The following ATAD3B variants were observed in gnomAD, a reference collection of about 807,000 sequenced individuals.
ATAD3B encodes ATPase family AAA domain-containing protein 3B.
Under a neutral mutation model 70.2 loss-of-function variants are expected in ATAD3B, and 59 were observed. The observed-to-expected ratio is 0.84, with a 90% CI of 0.68 to 1.04. ATAD3B has a LOEUF of 1.04. Among genes scored for constraint, ATAD3B ranks in the 50% least tolerant of loss-of-function variants. The pLI, the probability that ATAD3B is intolerant of heterozygous loss-of-function variation, is 0.00. For missense variants in ATAD3B, 961 were observed against 913.4 expected (o/e 1.05, Z -0.67); for synonymous variants, 423 against 388.6 (o/e 1.09, Z -1.04).
chr1:1,503,079 T>A, the ATAD3B span, among the ~76,000 whole-genome samples: 1 of 151,368 alleles, frequency 6.6e-6, no homozygotes, highest in South Asian at 2.1e-4. Flanking sequence ...AAAAAGTAGC[T>A]GGGCGTGGTG....
rs758164967 is a variant in ATAD3B at position 1,495,840 on chromosome 1, C to A, written c.*23C>A. The A allele has an allele frequency of 1.3e-5, 20 of 1,525,320 alleles. No homozygotes were observed. The Admixed American group carries it at 3.4e-4, about 26-fold the overall frequency. 94.5% of individuals were successfully genotyped at this position (1,525,320 alleles called of 1,614,324 possible). A position where few individuals can be genotyped will look rare whatever the true frequency, so the allele number is the denominator to read the frequency against. ...TAGGCACTGGCTAGGGAGGGGCAGG[C>A]CTCCTTCCTGCCCCTCGAGACACTC... On this transcript the variant is annotated 3_prime_UTR_variant, in exon 16 of 16. Coordinates refer to ENST00000673477, the MANE Select transcript of ATAD3B (RefSeq NM_031921.6).
chr1:1,503,028 T>C, the ATAD3B span, among the ~76,000 whole-genome samples: 1 of 150,058 alleles, frequency 6.7e-6, no homozygotes. Flanking sequence ...ATCGAGACCA[T>C]CCTGGCTAAC....
the ATAD3B span, among the ~76,000 whole-genome samples, chr1:1,508,583 C>A: frequency 6.6e-6 from 1 of 151,408 alleles, no homozygotes; most frequent in Admixed American, 6.6e-5. Flanking sequence ...TTTGGGGACT[C>A]CATGCCCTTT....
chr1:1,486,306 C>G lies in ATAD3B; in HGVS notation c.1089+71C>G, dbSNP rs866511393. 5,126 of 1,604,444 alleles carry G rather than the reference C, an allele frequency of 3.2e-3. 80 individuals are homozygous for G. Among genetic ancestry groups the G allele is most frequent in the Middle Eastern group, 7.2e-3 (38 of 5,262 alleles). Reference sequence around the variant, plus strand: ...TCACCTGCCTGCAGGTGTCTGGGGGCCTCAGCCGCCTGGGGAATGGACCCC... The same window carrying G: ...TCACCTGCCTGCAGGTGTCTGGGGGGCTCAGCCGCCTGGGGAATGGACCCC... On this transcript the variant is annotated intron_variant, in intron 10 of 15. Transcript: ENST00000673477.
In ATAD3B at chr1:1,497,526, G is replaced by A. The variant is rs1197834956; in HGVS notation, c.*1709G>A. The A allele has an allele frequency of 6.6e-6, 1 of 150,608 alleles. No homozygotes were observed. Among genetic ancestry groups the A allele is most frequent in the East Asian group, 2.0e-4 (1 of 5,118 alleles). The allele number at this position is 150,608 out of a possible 1,614,324, so 9.3% of individuals were successfully genotyped here. A position where few individuals can be genotyped will look rare whatever the true frequency, so the allele number is the denominator to read the frequency against. On this transcript the variant is annotated 3_prime_UTR_variant, in exon 16 of 16. Transcript: ENST00000673477. ...GCCTGGCCTCAATTCCTCTTTAAAG[G>A]AATTGCCTAAATCTTAAACCAGCAA...
In ATAD3B at chr1:1,493,114, A is replaced by G. The variant is rs556184077; in HGVS notation, c.1615-2371A>G. 5.7e-4 allele frequency among the ~76,000 whole-genome samples: 86 copies of G among 152,108 alleles called. 1 individual carries two copies. Among genetic ancestry groups the G allele is most frequent in the African/African-American group, 2.0e-3 (82 of 41,552 alleles). ...CGACAGAGCGAAACTGTCTCAAAAT[A>G]TAAATGATAACAGTAATAATTTGGC... On this transcript the variant is annotated intron_variant, in intron 15 of 15. Transcript: ENST00000673477.
chr1:1,471,783 T>G lies in ATAD3B; in HGVS notation c.-102T>G, dbSNP rs767392958. On this transcript the variant is annotated 5_prime_UTR_variant, in exon 1 of 16. Transcript: ENST00000673477. ...GGTGTGTGTTTCGCCTGCGCAGTGG[T>G]CCTGGCCACCGGCTCGCGGCGCGTG... The G allele has an allele frequency of 4.9e-6, 6 of 1,217,164 alleles. 1 individual carries two copies. In the East Asian group the frequency reaches 1.7e-4, roughly 34 times the overall value. The allele number at this position is 1,217,164 out of a possible 1,614,324, so 75.4% of individuals were successfully genotyped here. A position where few individuals can be genotyped will look rare whatever the true frequency, so the allele number is the denominator to read the frequency against.
At chr1:1,486,280 CTCACCTGCCTGCAGGTG>C in intron 10 of ATAD3B, 45 bp downstream of exon 10, 1 of 1,611,118 alleles carries the variant, frequency 6.2e-7, no homozygotes, top group South Asian at 1.1e-5. Flanking sequence ...CCGCTGGGGT[CTCACCTGCCTGCAGGTG>C]TCTGGGGGCC....
At chr1:1,505,940 G>A in the ATAD3B span, among the ~76,000 whole-genome samples, 1 of 152,080 alleles carries the variant, frequency 6.6e-6, no homozygotes, top group East Asian at 1.9e-4. Context: ...TCAGCACCTG[G>A]TTGGCTTGCC....
rs1484137756 is a variant in ATAD3B, at chr1:1,479,619, G to A, written c.444+511G>A. ...AGGCCTGCACATACACCCCCACACA[G>A]GGGCATGCTCACACAGCCCGCACAC... On this transcript the variant is annotated intron_variant, in intron 4 of 15. Coordinates refer to ENST00000673477, the MANE Select transcript of ATAD3B (RefSeq NM_031921.6). Among the ~76,000 whole-genome samples the A allele has an allele frequency of 2.9e-5, 4 of 137,578 alleles. No individual in the cohort carries two copies. The East Asian group carries it at 8.9e-4, about 31-fold the overall frequency. 90.3% of individuals were successfully genotyped at this position (137,578 alleles called of 152,430 possible). A position where few individuals can be genotyped will look rare whatever the true frequency, so the allele number is the denominator to read the frequency against.
chr1:1,505,268 A>G, the ATAD3B span, among the ~76,000 whole-genome samples: 4 of 152,142 alleles, frequency 2.6e-5, 1 homozygote, highest in African/African-American at 9.6e-5. Context: ...AGAGGGAGGG[A>G]GGGAGAGAGA....
At position 1,471,835 on chromosome 1, in the gene ATAD3B, C is replaced by T; in HGVS notation, c.-50C>T. On this transcript the variant is annotated 5_prime_UTR_variant, in exon 1 of 16. Transcript: ENST00000673477. Reference sequence around the variant, plus strand: ...AGGCTGCTCCCAGCCGCGCCCGAGTCAGACTCGGGTGGGGGTCCCGGCGGC... The same window carrying T: ...AGGCTGCTCCCAGCCGCGCCCGAGTTAGACTCGGGTGGGGGTCCCGGCGGC... 8.0e-7 allele frequency: 1 copy of T among 1,257,528 alleles called. No homozygotes were observed. The highest frequency in any genetic ancestry group is 1.5e-5 in the African/African-American group (1 of 64,526). 77.9% of individuals were successfully genotyped at this position (1,257,528 alleles called of 1,614,324 possible). A position where few individuals can be genotyped will look rare whatever the true frequency, so the allele number is the denominator to read the frequency against.
intron 7 of ATAD3B, chr1:1,483,830 C>A (rs1246171529): frequency 6.6e-6 from 1 of 152,262 alleles, no homozygotes; most frequent in East Asian, 1.9e-4. Context: ...CATTAAGCAG[C>A]TCCTTCATGT....
downstream of ATAD3B, among the ~76,000 whole-genome samples, chr1:1,498,230 G>A (rs1259072937): frequency 6.6e-6 from 1 of 152,036 alleles, no homozygotes; most frequent in Non-Finnish European, 1.5e-5. Context: ...TTGAACCCAG[G>A]AGGCAGAGGT....
downstream of ATAD3B, among the ~76,000 whole-genome samples, chr1:1,501,760 A>G (rs560047079): frequency 4.6e-5 from 7 of 152,292 alleles, no homozygotes; most frequent in South Asian, 1.0e-3. Context: ...GGAAGTAACT[A>G]TCTTCAAATA....
intron 7 of ATAD3B, chr1:1,483,438 A>C (rs140101653): frequency 1.4e-5 from 3 of 216,428 alleles, no homozygotes; most frequent in Non-Finnish European, 2.8e-5. Context: ...TTGCACTCCA[A>C]CCTGTGGAAG....
At chr1:1,485,199 A>C in intron 8 of ATAD3B, 28 bp downstream of exon 8, 2 of 1,607,958 alleles carry the variant, frequency 1.2e-6, no homozygotes, top group Non-Finnish European at 1.7e-6. Context: ...GCCCTCCCTG[A>C]GTGCAGTTCC....
At chr1:1,480,239 C>A (rs1419968921) in intron 4 of ATAD3B, among the ~76,000 whole-genome samples, 1 of 125,060 alleles carries the variant, frequency 8.0e-6, no homozygotes, top group African/African-American at 3.0e-5. Flanking sequence ...CACATTACTG[C>A]ACGTGAGGGC....
At chr1:1,489,792 T>A (rs1340878660) in intron 13 of ATAD3B, 2 of 1,289,344 alleles carry the variant, frequency 1.6e-6, no homozygotes, top group Non-Finnish European at 2.0e-6. Flanking sequence ...CGTTCGACGC[T>A]CCCTGGAGCC....
Sources: allele counts gnomAD v4.1 joint callset (sites outside exome capture counted in the v4.1 genomes callset), GRCh38; gene constraint gnomAD v4.1.1; transcripts MANE v1.5; gene names NCBI Gene and HGNC (gene_info 2026-07-23, HGNC 2026-07-21).